The following GRID2 variants were observed in gnomAD, a reference collection of about 807,000 sequenced individuals.
GRID2 encodes the protein glutamate receptor ionotropic, delta-2.
A neutral mutation model predicts 114.8 loss-of-function variants in GRID2; 33 were observed. The observed-to-expected ratio is 0.29, with a 90% CI of 0.22 to 0.38. The LOEUF is 0.38. Among genes scored for constraint, GRID2 ranks in the 10% least tolerant of loss-of-function variants. The pLI is 1.00. For synonymous variants in GRID2, 505 were observed against 449.9 expected, an observed-to-expected ratio of 1.12 and a Z score of -1.55; for missense variants, 1,184 against 1,257.7, an observed-to-expected ratio of 0.94 and a Z score of 0.89.
intron 1 of GRID2, among the ~76,000 whole-genome samples, chr4:92,487,272 GATATT>G (rs1306117341): frequency 2.0e-5 from 3 of 151,684 alleles, no homozygotes; most frequent in Admixed American, 6.6e-5. Flanking sequence ...TAGAAGCATA[GATATT>G]ATATTATTTC....
intron 1 of GRID2, among the ~76,000 whole-genome samples, chr4:93,794,094 A>T (rs968466684): frequency 2.6e-5 from 4 of 152,132 alleles, no homozygotes; most frequent in African/African-American, 9.7e-5. Context: ...GAGATGTTAG[A>T]GTATAATTTG....
intron 2 of GRID2, among the ~76,000 whole-genome samples, chr4:93,069,085 A>G (rs1728574380): frequency 6.6e-6 from 1 of 151,986 alleles, no homozygotes; most frequent in Non-Finnish European, 1.5e-5. Context: ...CAAGGACAGT[A>G]TCGGGGGGCT....
chr4:92,814,866 G>A (rs1740813135), intron 2 of GRID2, among the ~76,000 whole-genome samples: 1 of 152,072 alleles, frequency 6.6e-6, no homozygotes, highest in Non-Finnish European at 1.5e-5. Flanking sequence ...TGCATGCTGA[G>A]AGGAGCACAC....
At chr4:92,980,483 T>C (rs1457586707) in intron 2 of GRID2, among the ~76,000 whole-genome samples, 1 of 152,016 alleles carries the variant, frequency 6.6e-6, no homozygotes, top group Non-Finnish European at 1.5e-5. Flanking sequence ...TTTATTGGAA[T>C]TGAATTATAT....
intron 1 of GRID2, among the ~76,000 whole-genome samples, chr4:92,356,193 G>T (rs568893961): frequency 1.3e-5 from 2 of 151,448 alleles, no homozygotes; most frequent in African/African-American, 4.8e-5. Flanking sequence ...AAATGACAGA[G>T]TAAAGAAATT....
rs73839790 is a variant in GRID2 at position 93,667,127 on chromosome 4, T to C, written c.2360+40692T>C. ...CCTTCACTTAGCATATTCCAACTGATTGAAAAGAGAAATAAATAAGACAAT... is the reference window on the plus strand; with the variant it reads ...CCTTCACTTAGCATATTCCAACTGACTGAAAAGAGAAATAAATAAGACAAT... On this transcript the variant is annotated intron_variant, in intron 14 of 15. Coordinates refer to ENST00000282020, the MANE Select transcript of GRID2 (RefSeq NM_001510.4). 4.4e-3 allele frequency among the ~76,000 whole-genome samples: 666 copies of C among 152,108 alleles called. 4 individuals carry two copies. The highest frequency in any genetic ancestry group is 0.015 in the African/African-American group (641 of 41,544).
At position 93,371,287 on chromosome 4, in the gene GRID2, A is replaced by G. The variant is rs376132374; in HGVS notation, c.1246-24320A>G. Among the ~76,000 whole-genome samples, 50 of 152,278 alleles carry G rather than the reference A, an allele frequency of 3.3e-4. No homozygotes were observed. In the East Asian group the frequency reaches 6.2e-3, roughly 19 times the overall value. On this transcript the variant is annotated intron_variant, in intron 8 of 15. Transcript: ENST00000282020. ...TAAGAGACCAGCAGGCACCAGGTAC[A>G]GTTACATTCAGATGCTCAAGCAATG... is the stretch of plus-strand genomic sequence containing the variant.
At chr4:93,747,684 A>G (rs555629502) in intron 14 of GRID2, among the ~76,000 whole-genome samples, 1 of 152,166 alleles carries the variant, frequency 6.6e-6, no homozygotes, top group Non-Finnish European at 1.5e-5. Context: ...AATAATATGT[A>G]AAATGTTTTT....
At chr4:93,453,359 A>AGT (rs1553932534) in intron 10 of GRID2, among the ~76,000 whole-genome samples, 1,324 of 120,980 alleles carry the variant, frequency 0.011, 4 homozygotes, top group Middle Eastern at 0.038. Flanking sequence ...AGAGAGAGAG[A>AGT]GTGTGTGTAT....
At chr4:92,706,183 A>G (rs1422795803) in intron 2 of GRID2, among the ~76,000 whole-genome samples, 2 of 152,194 alleles carry the variant, frequency 1.3e-5, no homozygotes, top group Admixed American at 1.3e-4. Context: ...GAAATTCTAC[A>G]GTCAAGAGTC....
At chr4:92,614,740 A>G (rs932693577) in intron 2 of GRID2, among the ~76,000 whole-genome samples, 1 of 151,580 alleles carries the variant, frequency 6.6e-6, no homozygotes, top group Non-Finnish European at 1.5e-5. Flanking sequence ...TTGTTCTGGT[A>G]TTGTCTTTCC....
chr4:93,170,387 C>T (rs1331841870), intron 4 of GRID2, among the ~76,000 whole-genome samples: 1 of 152,006 alleles, frequency 6.6e-6, no homozygotes, highest in Non-Finnish European at 1.5e-5. Flanking sequence ...CTGGGCCCCC[C>T]CCTTTTTTAA....
At chr4:93,489,972 A>G (rs765195230) in intron 11 of GRID2, among the ~76,000 whole-genome samples, 2 of 151,940 alleles carry the variant, frequency 1.3e-5, no homozygotes. Flanking sequence ...AGTATACTGT[A>G]GATCATAGTC....
chr4:92,454,547 C>T (rs1300531336), intron 1 of GRID2, among the ~76,000 whole-genome samples: 1 of 152,096 alleles, frequency 6.6e-6, no homozygotes, highest in Non-Finnish European at 1.5e-5. Context: ...GGAACATTCC[C>T]ATCAAATCTG....
At chr4:92,710,772 T>A (rs1177895569) in intron 2 of GRID2, among the ~76,000 whole-genome samples, 1 of 152,150 alleles carries the variant, frequency 6.6e-6, no homozygotes, top group Non-Finnish European at 1.5e-5. Context: ...AGACTGTAAG[T>A]AAATAAGAGT....
chr4:92,955,968 T>G (rs1487504332), intron 2 of GRID2, among the ~76,000 whole-genome samples: 2 of 152,092 alleles, frequency 1.3e-5, no homozygotes, highest in African/African-American at 2.4e-5. Flanking sequence ...ATCTGCCCAC[T>G]TCGGCCTCAC....
intron 2 of GRID2, among the ~76,000 whole-genome samples, chr4:93,054,119 T>C (rs957580908): frequency 6.6e-6 from 1 of 151,868 alleles, no homozygotes; most frequent in African/African-American, 2.4e-5. Context: ...TGGCCTCAAA[T>C]TGTTACCTGA....
At chr4:92,501,224 G>A (rs1723668076) in intron 1 of GRID2, among the ~76,000 whole-genome samples, 1 of 152,124 alleles carries the variant, frequency 6.6e-6, no homozygotes, top group Admixed American at 6.5e-5. Context: ...GATTGATACA[G>A]GAGTAGCCAA....
intron 2 of GRID2, among the ~76,000 whole-genome samples, chr4:92,951,137 T>A (rs1752001749): frequency 6.6e-6 from 1 of 152,138 alleles, no homozygotes; most frequent in Non-Finnish European, 1.5e-5. Context: ...ATTCTATGTA[T>A]GTAGAGATAA....
Sources: gnomAD v4.1 joint callset for allele counts (sites outside exome capture counted in the v4.1 genomes callset) on GRCh38, gnomAD v4.1.1 for gene constraint, MANE v1.5 for transcripts, NCBI Gene and HGNC (gene_info 2026-07-23, HGNC 2026-07-21) for gene names.